The following NET1 variants were observed in gnomAD, a reference collection of about 807,000 sequenced individuals.
The protein encoded by NET1 is neuroepithelial cell-transforming gene 1 protein.
A neutral mutation model predicts 61.1 loss-of-function variants in NET1; 42 were observed. That is an observed-to-expected ratio of 0.69 (90% CI 0.54 to 0.89). NET1 has a LOEUF of 0.89. NET1 is among the 40% of genes least tolerant of loss of function. The pLI is 0.00. For synonymous variants in NET1, 254 were observed against 281.8 expected, an observed-to-expected ratio of 0.90 and a Z score of 0.99; for missense variants, 654 against 747.3, an observed-to-expected ratio of 0.88 and a Z score of 1.46.
rs1832812028 is a variant in NET1, at chr10:5,456,907, C to T, written c.1704C>T (p.Ser568=). 3.1e-6 allele frequency: 5 copies of T among 1,613,598 alleles called. No individual in the cohort carries two copies. Among genetic ancestry groups the T allele is most frequent in the Non-Finnish European group, 3.4e-6 (4 of 1,179,782 alleles). The part of the protein sequence containing the change: ...SGMQMAEDSK[S]LKTHQTQPGI... ...TGCAGATGGCAGAGGACAGCAAGAG[C>T]TTAAAGACACACCAGACACAGCCCG... Residue 568 remains serine, a synonymous_variant, in exon 12 of 12, where the codon AGC becomes AGT. Coordinates refer to ENST00000355029, the MANE Select transcript of NET1 (RefSeq NM_001047160.3). This position sits in a 1 kb window ranked among gnomAD's most constrained non-coding sequence, Gnocchi z 7.0.
chr10:5,431,445 A>T lies in NET1; in HGVS notation c.255+2216A>T, dbSNP rs1291049135. ...AAAAAGTATGTAATGCCTTTCTGTG[A>T]TGCTCTCAAAATGGATGCTCATTGC... is the stretch of plus-strand genomic sequence containing the variant. On this transcript the variant is annotated intron_variant, in intron 3 of 11. Transcript: ENST00000355029. The surrounding 1 kb of genome is among the most constrained non-coding windows in gnomAD (Gnocchi z 4.9). Among the ~76,000 whole-genome samples the T allele has an allele frequency of 1.3e-5, 2 of 150,922 alleles. No homozygotes were observed. The highest frequency in any genetic ancestry group is 1.5e-5 in the Non-Finnish European group (1 of 67,836).
intron 3 of NET1, among the ~76,000 whole-genome samples, chr10:5,442,769 C>T (rs1373170620): frequency 3.3e-5 from 5 of 151,526 alleles, no homozygotes; most frequent in Non-Finnish European, 5.9e-5. Flanking sequence ...ATGGCACACT[C>T]GGGAGGCTGA....
intron 1 of NET1, among the ~76,000 whole-genome samples, chr10:5,418,712 A>C (rs1832118722): frequency 6.6e-6 from 1 of 151,820 alleles, no homozygotes; most frequent in South Asian, 2.1e-4. Flanking sequence ...ATTAGTCTGC[A>C]TGCTTTAGGT....
In NET1 at chr10:5,446,379, A is replaced by ATAACGTAACAATTTGTTT. The variant is rs1832608026; in HGVS notation, c.256-5448_256-5431dup. On this transcript the variant is annotated intron_variant, in intron 3 of 11. Coordinates refer to ENST00000355029, the MANE Select transcript of NET1 (RefSeq NM_001047160.3). The surrounding 1 kb of genome is among the most constrained non-coding windows in gnomAD (Gnocchi z 5.0). ...TGTCTGTGACTAAGCACCAGAGTAG[A>ATAACGTAACAATTTGTTT]TAACGTAACAATTTGTTTTACTTCG... is the stretch of plus-strand genomic sequence containing the variant. 6.6e-6 allele frequency among the ~76,000 whole-genome samples: 1 copy of ATAACGTAACAATTTGTTT among 152,230 alleles called. No homozygotes were observed. The highest frequency in any genetic ancestry group is 2.1e-4 in the South Asian group (1 of 4,836).
chr10:5,426,041 A>T lies in NET1; in HGVS notation c.129-614A>T, dbSNP rs991449199. On this transcript the variant is annotated intron_variant, in intron 1 of 11. Coordinates refer to ENST00000355029, the MANE Select transcript of NET1 (RefSeq NM_001047160.3). The surrounding 1 kb of genome is among the most constrained non-coding windows in gnomAD (Gnocchi z 4.6). ...TAAGACTTTCTTGCTTTATGTGTTT[A>T]CATTGAATGGAAAAGAAACACAGAA... is the stretch of plus-strand genomic sequence containing the variant. Among the ~76,000 whole-genome samples, 12 of 152,206 alleles carry T rather than the reference A, an allele frequency of 7.9e-5. No individual in the cohort carries two copies. The highest frequency in any genetic ancestry group is 1.5e-4 in the Non-Finnish European group (10 of 68,024).
intron 1 of NET1, among the ~76,000 whole-genome samples, chr10:5,414,452 A>G (rs181037002): frequency 2.8e-4 from 42 of 152,356 alleles, no homozygotes; most frequent in Middle Eastern, 3.4e-3. Flanking sequence ...ACATATACAT[A>G]AACATTTCAG....
rs531847425 is a variant in NET1, at chr10:5,456,839, C to T, written c.1636C>T (p.Gln546Ter). The T allele has an allele frequency of 6.2e-7, 1 of 1,614,042 alleles. No individual in the cohort carries two copies. Among genetic ancestry groups the T allele is most frequent in the South Asian group, 1.1e-5 (1 of 91,040 alleles). The change falls in exon 12 of 12, where the codon CAG (glutamine) becomes TAG (stop). Residue 546 changes from glutamine to a stop codon, truncating the protein, a stop_gained. Transcript: ENST00000355029. LOFTEE classifies it low-confidence loss of function (END_TRUNC). This position sits in a 1 kb window ranked among gnomAD's most constrained non-coding sequence, Gnocchi z 7.0. ...RRASTVSSVT[Q>*]VEVDENAYRC... is the part of the protein sequence containing the mutation. ...GGCATCCACAGTTTCCAGTGTTACTCAGGTAGAAGTTGATGAAAACGCTTA... is the reference window on the plus strand; with the variant it reads ...GGCATCCACAGTTTCCAGTGTTACTTAGGTAGAAGTTGATGAAAACGCTTA...
rs1021152749 is a variant in NET1, at chr10:5,444,252, T to C, written c.256-7578T>C. ...GAAACAGAGCCAATCTCCATTACTT[T>C]AAAAAATAAACTCAAAGCAGAAAGA... On this transcript the variant is annotated intron_variant, in intron 3 of 11. Transcript: ENST00000355029. This position sits in a 1 kb window ranked among gnomAD's most constrained non-coding sequence, Gnocchi z 5.3. Among the ~76,000 whole-genome samples the C allele has an allele frequency of 2.0e-5, 3 of 152,180 alleles. No individual in the cohort carries two copies. The highest frequency in any genetic ancestry group is 1.5e-5 in the Non-Finnish European group (1 of 68,040).
rs1026900881 is a variant in NET1, at chr10:5,456,342, T to G, written c.1384+69T>G. The G allele has an allele frequency of 1.1e-5, 15 of 1,399,118 alleles. No individual in the cohort carries two copies. The highest frequency in any genetic ancestry group is 2.5e-5 in the East Asian group (1 of 40,130). 86.7% of individuals were successfully genotyped at this position (1,399,118 alleles called of 1,614,324 possible). ...AACTGAAGTGAATTTAGTTTTGCCT[T>G]TAAGAATTCTAGAGATGAAATGGCT... On this transcript the variant is annotated intron_variant, in intron 11 of 11. Coordinates refer to ENST00000355029, the MANE Select transcript of NET1 (RefSeq NM_001047160.3). This position sits in a 1 kb window ranked among gnomAD's most constrained non-coding sequence, Gnocchi z 7.0.
In NET1 at chr10:5,458,133, A is replaced by G. The variant is rs187352912; in HGVS notation, c.*1139A>G. Reference sequence around the variant, plus strand: ...TTTGCCTTGGTTTGCAATACCTGCAAATAATGAGTTTGAAAAGAAACAATG... The same window carrying G: ...TTTGCCTTGGTTTGCAATACCTGCAGATAATGAGTTTGAAAAGAAACAATG... On this transcript the variant is annotated 3_prime_UTR_variant, in exon 12 of 12. Coordinates refer to ENST00000355029, the MANE Select transcript of NET1 (RefSeq NM_001047160.3). This position sits in a 1 kb window ranked among gnomAD's most constrained non-coding sequence, Gnocchi z 4.5. 1 of 152,346 alleles carries G rather than the reference A, an allele frequency of 6.6e-6. No individual in the cohort carries two copies. The highest frequency in any genetic ancestry group is 1.9e-4 in the East Asian group (1 of 5,192). 9.4% of individuals were successfully genotyped at this position (152,346 alleles called of 1,614,324 possible).
Position 5,435,623 on chromosome 10 carries a change from G to A in NET1, c.255+6394G>A, listed in dbSNP as rs1268422765. On this transcript the variant is annotated intron_variant, in intron 3 of 11. Transcript: ENST00000355029. The surrounding 1 kb of genome is among the most constrained non-coding windows in gnomAD (Gnocchi z 5.0). ...GAAATATTAATAATACAGGTCAAAT[G>A]AATGACATAAGACCTTGGACTTACA... Among the ~76,000 whole-genome samples the A allele has an allele frequency of 2.0e-5, 3 of 152,156 alleles. No individual in the cohort carries two copies. Among genetic ancestry groups the A allele is most frequent in the Non-Finnish European group, 4.4e-5 (3 of 68,022 alleles).
chr10:5,442,435 A>AG (rs11424693), intron 3 of NET1, among the ~76,000 whole-genome samples: 42,011 of 152,084 alleles, frequency 0.28, 5,937 homozygotes, highest in Non-Finnish European at 0.29. Context: ...TTCACTTGAA[A>AG]GGGGAGAACA....
intron 3 of NET1, among the ~76,000 whole-genome samples, chr10:5,442,889 AAAAG>A (rs1215473806): frequency 1.3e-5 from 2 of 151,394 alleles, no homozygotes; most frequent in African/African-American, 4.9e-5. Context: ...AAAAAAAAAA[AAAAG>A]AAAGAAAGAA....
rs4881451 is a variant in NET1, at chr10:5,447,605, A to C, written c.256-4225A>C. On this transcript the variant is annotated intron_variant, in intron 3 of 11. Transcript: ENST00000355029. The surrounding 1 kb of genome is among the most constrained non-coding windows in gnomAD (Gnocchi z 4.1). ...GATTGTGGTAGTGGTTTCCGTCTCT[A>C]TACACACGTCAAAACTTATCTAATT... Among the ~76,000 whole-genome samples, 10 of 152,198 alleles carry C rather than the reference A, an allele frequency of 6.6e-5. No homozygotes were observed. Among genetic ancestry groups the C allele is most frequent in the African/African-American group, 2.4e-4 (10 of 41,442 alleles).
Position 5,430,242 on chromosome 10 carries a change from C to CA in NET1, c.255+1014dup, listed in dbSNP as rs1433080815. 4.2e-4 allele frequency among the ~76,000 whole-genome samples: 64 copies of CA among 152,108 alleles called. 1 individual carries two copies. The highest frequency in any genetic ancestry group is 1.2e-4 in the Non-Finnish European group (8 of 68,018). On this transcript the variant is annotated intron_variant, in intron 3 of 11. Coordinates refer to ENST00000355029, the MANE Select transcript of NET1 (RefSeq NM_001047160.3). ...TACAGAAATAGTATTTGTAGTTTGC[C>CA]ACAGTAAAATACGTGGTCTTCAACT...
rs1832515891 is a variant in NET1 at position 5,440,916 on chromosome 10, A to G, written c.256-10914A>G. On this transcript the variant is annotated intron_variant, in intron 3 of 11. Coordinates refer to ENST00000355029, the MANE Select transcript of NET1 (RefSeq NM_001047160.3). This position sits in a 1 kb window ranked among gnomAD's most constrained non-coding sequence, Gnocchi z 4.1. Reference sequence around the variant, plus strand: ...GTCCCATCCTGTGTTTCTGATCTCTAGGACCAATCTCAGTGTCCATATTTT... The same window carrying G: ...GTCCCATCCTGTGTTTCTGATCTCTGGGACCAATCTCAGTGTCCATATTTT... Among the ~76,000 whole-genome samples, 2 of 152,268 alleles carry G rather than the reference A, an allele frequency of 1.3e-5. No homozygotes were observed. Among genetic ancestry groups the G allele is most frequent in the South Asian group, 4.1e-4 (2 of 4,824 alleles).
Position 5,452,759 on chromosome 10 carries a change from T to C in NET1, c.532-99T>C, listed in dbSNP as rs1832729098. On this transcript the variant is annotated intron_variant, in intron 5 of 11. Transcript: ENST00000355029. This position sits in a 1 kb window ranked among gnomAD's most constrained non-coding sequence, Gnocchi z 4.0. ...TACAATTTTCAGACTGAGTTACTTTTTAAAATGCCGTTCAAAACATCAAAT... is the reference window on the plus strand; with the variant it reads ...TACAATTTTCAGACTGAGTTACTTTCTAAAATGCCGTTCAAAACATCAAAT... 5 of 1,179,946 alleles carry C rather than the reference T, an allele frequency of 4.2e-6. No homozygotes were observed. The highest frequency in any genetic ancestry group is 4.9e-6 in the Non-Finnish European group (4 of 819,282). The allele number at this position is 1,179,946 out of a possible 1,614,324, so 73.1% of individuals were successfully genotyped here. A position where few individuals can be genotyped will look rare whatever the true frequency, so the allele number is the denominator to read the frequency against.
At chr10:5,442,577 C>T (rs554554105) in intron 3 of NET1, among the ~76,000 whole-genome samples, 7 of 152,248 alleles carry the variant, frequency 4.6e-5, no homozygotes, top group South Asian at 2.1e-4. Flanking sequence ...GCCTCAGTTA[C>T]GCCGTTTGTA....
In NET1 at chr10:5,457,677, A is replaced by G. The variant is rs565437877; in HGVS notation, c.*683A>G. 6.6e-6 allele frequency: 1 copy of G among 152,378 alleles called. No homozygotes were observed. Among genetic ancestry groups the G allele is most frequent in the South Asian group, 2.1e-4 (1 of 4,808 alleles). 9.4% of individuals were successfully genotyped at this position (152,378 alleles called of 1,614,324 possible). On this transcript the variant is annotated 3_prime_UTR_variant, in exon 12 of 12. Transcript: ENST00000355029. This position sits in a 1 kb window ranked among gnomAD's most constrained non-coding sequence, Gnocchi z 5.4. ...TGCCTTTTCAAATTGGCATGTCTTT[A>G]AAGTATTTTTCTTCCTGATTAAAAA...
Sources: allele counts gnomAD v4.1 joint callset (sites outside exome capture counted in the v4.1 genomes callset), GRCh38; gene constraint gnomAD v4.1.1; non-coding constraint Gnocchi (gnomAD v3.1); transcripts MANE v1.5; gene names NCBI Gene and HGNC (gene_info 2026-07-23, HGNC 2026-07-21).